Variants in PCDHA5 observed in about 807,000 individuals in gnomAD.
PCDHA5 encodes protocadherin alpha 5, also known as protocadherin alpha-5.
A neutral mutation model predicts 61.6 loss-of-function variants in PCDHA5; 43 were observed. That is an observed-to-expected ratio of 0.70 (90% CI 0.55 to 0.90). PCDHA5 has a LOEUF of 0.90. Ranked by LOEUF, PCDHA5 falls within the 40% of genes least tolerant of loss-of-function variation. PCDHA5 has a pLI of 0.00. For missense variants in PCDHA5, 1,298 were observed against 1,222.7 expected (o/e 1.06, Z -0.92); for synonymous variants, 627 against 543.9 (o/e 1.15, Z -2.13).
intron 1 of PCDHA5, chr5:140,929,725 A>G (rs1415397730): frequency 9.2e-6 from 2 of 218,138 alleles, no homozygotes; most frequent in Admixed American, 1.2e-4. Flanking sequence ...TGAAACATTT[A>G]CTTAAACTAT....
rs1294664970 is a variant in PCDHA5, at chr5:140,858,562, T to C, written c.2352+34435T>C. On this transcript the variant is annotated intron_variant, in intron 1 of 3. Transcript: ENST00000529859. Reference sequence around the variant, plus strand: ...CATTCCATTTATGCTTGAATATTTCTAGTGATACCTTTGTAATATAATTTA... The same window carrying C: ...CATTCCATTTATGCTTGAATATTTCCAGTGATACCTTTGTAATATAATTTA... 46 of 1,371,718 alleles carry C rather than the reference T, an allele frequency of 3.4e-5. 2 individuals carry two copies. Among genetic ancestry groups the C allele is most frequent in the Non-Finnish European group, 4.5e-5 (45 of 990,734 alleles). 85.0% of individuals were successfully genotyped at this position (1,371,718 alleles called of 1,614,324 possible).
intron 1 of PCDHA5, chr5:140,877,349 T>C (rs1554169631): frequency 1.2e-6 from 2 of 1,613,984 alleles, no homozygotes; most frequent in Admixed American, 3.3e-5. Context: ...CACGTGGGGC[T>C]GTACACTGGC....
At chr5:140,968,808 T>C in intron 1 of PCDHA5, 1 of 1,614,204 alleles carries the variant, frequency 6.2e-7, no homozygotes, top group South Asian at 1.1e-5. Context: ...GTAGCTGTGG[T>C]GGATAGGGTT....
At chr5:140,828,013 T>A in intron 1 of PCDHA5, 1 of 1,508,370 alleles carries the variant, frequency 6.6e-7, no homozygotes, top group Admixed American at 2.2e-5. Flanking sequence ...AAGAAATGGA[T>A]TAATAAATTC....
At chr5:140,972,612 C>T (rs1554234244) in intron 1 of PCDHA5, among the ~76,000 whole-genome samples, 2 of 151,080 alleles carry the variant, frequency 1.3e-5, no homozygotes, top group African/African-American at 4.9e-5. Context: ...GAACTTGATA[C>T]TGAATGTTGT....
chr5:140,868,063 C>T (rs1554161737), intron 1 of PCDHA5: 1 of 151,920 alleles, frequency 6.6e-6, no homozygotes, highest in African/African-American at 2.4e-5. Context: ...CAAAGATGTT[C>T]AGGGTGATTT....
At chr5:140,926,693 C>T (rs576013331) in intron 1 of PCDHA5, 12 of 742,944 alleles carry the variant, frequency 1.6e-5, no homozygotes, top group African/African-American at 9.2e-5. Context: ...CTAGCAAGCC[C>T]GGCTCCCAGC....
chr5:140,841,338 G>A (rs2150313822), intron 1 of PCDHA5: 3 of 1,611,372 alleles, frequency 1.9e-6, no homozygotes, highest in South Asian at 2.2e-5. Flanking sequence ...TATCACTGGC[G>A]AGGAGAGCTG....
rs2150128727 is a variant in PCDHA5, at chr5:140,823,745, C to G, written c.1970C>G (p.Pro657Arg). The change falls in exon 1 of 4, where the codon CCG (proline) becomes CGG (arginine). Residue 657 changes from proline to arginine, a missense_variant. Transcript: ENST00000529859. ...CTGGTGAAGGACCATGGAGAGCCCC[C>G]GCTGACAGCCACAGCCACAGTGCTG... ...LVLVKDHGEPPLTATATVLVS... is the reference protein window; with the variant it reads ...LVLVKDHGEPRLTATATVLVS... 125 of 1,613,836 alleles carry G rather than the reference C, an allele frequency of 7.7e-5. No homozygotes were observed. In the South Asian group the frequency reaches 1.3e-3, roughly 17 times the overall value.
rs782104734 is a variant in PCDHA5 at position 140,822,949 on chromosome 5, G to C, written c.1174G>C (p.Val392Leu). ...GGTGACCTGCTCCCTAATGCCCCAC[G>C]TTCCCTTCAAGCTGGTGTCCACCTT... ...GQVTCSLMPHVPFKLVSTFKN... is the reference protein window; with the variant it reads ...GQVTCSLMPHLPFKLVSTFKN... Residue 392 changes from valine (V) to leucine (L), a missense_variant, in exon 1 of 4, where the codon GTT becomes CTT. Physicochemically the swap from Val to Leu is conservative, Grantham distance 32 (BLOSUM62 1). Coordinates refer to ENST00000529859, the MANE Select transcript of PCDHA5 (RefSeq NM_018908.3). 3.7e-6 allele frequency: 6 copies of C among 1,614,230 alleles called. No homozygotes were observed. Among genetic ancestry groups the C allele is most frequent in the Non-Finnish European group, 5.1e-6 (6 of 1,180,050 alleles).
intron 1 of PCDHA5, among the ~76,000 whole-genome samples, chr5:140,924,739 ACAAAAATTAACCGAG>A (rs2081980485): frequency 6.6e-6 from 1 of 151,884 alleles, no homozygotes; most frequent in Non-Finnish European, 1.5e-5. Flanking sequence ...TAATAAAAAT[ACAAAAATTAACCGAG>A]CATGGTGGTG....
In PCDHA5 at chr5:140,823,940, G is replaced by C. The variant is rs2150130604; in HGVS notation, c.2165G>C (p.Cys722Ser). The C allele has an allele frequency of 2.5e-5, 40 of 1,613,848 alleles. No individual in the cohort carries two copies. The highest frequency in any genetic ancestry group is 3.2e-5 in the Non-Finnish European group (38 of 1,179,972). ...LTLLLYTALR[C>S]SAQPTEAVCT... Reference sequence around the variant, plus strand: ...CTGCTGCTGTACACCGCGCTGCGGTGCTCGGCGCAGCCCACCGAGGCCGTG... The same window carrying C: ...CTGCTGCTGTACACCGCGCTGCGGTCCTCGGCGCAGCCCACCGAGGCCGTG... The change falls in exon 1 of 4, where the codon TGC (cysteine) becomes TCC (serine). Residue 722 changes from cysteine (C) to serine (S), a missense_variant. Physicochemically the swap from Cys to Ser is moderately radical, Grantham distance 112. Transcript: ENST00000529859.
intron 3 of PCDHA5, among the ~76,000 whole-genome samples, 189 bp from the exon 4 acceptor site, chr5:141,009,438 T>C (rs1024999058): frequency 6.6e-6 from 1 of 152,190 alleles, no homozygotes; most frequent in African/African-American, 2.4e-5. Context: ...AGGGAAATCC[T>C]GTCTCAAAAA....
rs781977975 is a variant in PCDHA5, at chr5:140,857,750, C to G, written c.2352+33623C>G. 1.9e-6 allele frequency: 3 copies of G among 1,597,316 alleles called. No homozygotes were observed. Among genetic ancestry groups the G allele is most frequent in the Non-Finnish European group, 1.7e-6 (2 of 1,167,614 alleles). On this transcript the variant is annotated intron_variant, in intron 1 of 3. Coordinates refer to ENST00000529859, the MANE Select transcript of PCDHA5 (RefSeq NM_018908.3). ...CAACGCTCCCGCGCTGCTGGCGTCT[C>G]CCGCTGGCAGCGCGGGCGGTGCAGT...
chr5:140,876,723 C>A (rs782820769), intron 1 of PCDHA5: 15 of 1,614,132 alleles, frequency 9.3e-6, no homozygotes, highest in East Asian at 2.2e-5. Context: ...ACCGCGAGAG[C>A]GTGTCGGCCT....
chr5:140,840,358 G>T (rs1180450322), intron 1 of PCDHA5, among the ~76,000 whole-genome samples: 2 of 151,928 alleles, frequency 1.3e-5, no homozygotes, highest in African/African-American at 4.8e-5. Context: ...AGGTAAAAAT[G>T]TCAGGTAGAA....
In PCDHA5 at chr5:140,823,005, C is replaced by T. The variant is rs2150121169; in HGVS notation, c.1230C>T (p.Ser410=). The change falls in exon 1 of 4, where the codon AGC becomes AGT. Residue 410 remains serine (S), a synonymous_variant. Coordinates refer to ENST00000529859, the MANE Select transcript of PCDHA5 (RefSeq NM_018908.3). ...ATTACTACTCGTTGGTGCTGGACAG[C>T]GCCCTGGACCGCGAGAGCGTGTCGG... The part of the protein sequence containing the change: ...FKNYYSLVLD[S]ALDRESVSVY... 5,038 of 1,614,224 alleles carry T rather than the reference C, an allele frequency of 3.1e-3. 120 individuals are homozygous for T. In the African/African-American group the frequency reaches 0.055, roughly 18 times the overall value.
Position 140,848,296 on chromosome 5 carries a change from G to T in PCDHA5, c.2352+24169G>T, listed in dbSNP as rs181978789. 1.7e-5 allele frequency: 11 copies of T among 652,922 alleles called. No individual in the cohort carries two copies. The East Asian group carries it at 2.5e-4, about 15-fold the overall frequency. 40.4% of individuals were successfully genotyped at this position (652,922 alleles called of 1,614,324 possible). ...AATATGTACTTACACTTTGGGCCACGTGATGTCACTCTTTGCCGCGATGTT... is the reference window on the plus strand; with the variant it reads ...AATATGTACTTACACTTTGGGCCACTTGATGTCACTCTTTGCCGCGATGTT... On this transcript the variant is annotated intron_variant, in intron 1 of 3. Coordinates refer to ENST00000529859, the MANE Select transcript of PCDHA5 (RefSeq NM_018908.3).
intron 1 of PCDHA5, chr5:140,871,073 C>A: frequency 1.2e-6 from 2 of 1,613,208 alleles, no homozygotes; most frequent in Non-Finnish European, 8.5e-7. Context: ...GGTGAGCCGG[C>A]GCTGACGGCC....
Sources: gnomAD v4.1 joint callset for allele counts (sites outside exome capture counted in the v4.1 genomes callset) on GRCh38, gnomAD v4.1.1 for gene constraint, MANE v1.5 for transcripts, NCBI Gene and HGNC (gene_info 2026-07-23, HGNC 2026-07-21) for gene names.